The following CFAP46 variants were observed in gnomAD, a reference collection of about 807,000 sequenced individuals.
CFAP46 encodes the protein cilia and flagella associated protein 46.
A neutral mutation model predicts 325.7 loss-of-function variants in CFAP46; 245 were observed. That is an observed-to-expected ratio of 0.75 (90% CI 0.68 to 0.84). CFAP46 has a LOEUF of 0.84. Ranked by LOEUF, CFAP46 falls within the 40% of genes least tolerant of loss-of-function variation. CFAP46 has a pLI of 0.00. For missense variants in CFAP46, 3,346 were observed against 3,543.0 expected (o/e 0.94, Z 1.41); for synonymous variants, 1,523 against 1,495.9 (o/e 1.02, Z -0.42).
chr10:132,871,964 T>C (rs1202077982), intron 32 of CFAP46, among the ~76,000 whole-genome samples: 2 of 152,228 alleles, frequency 1.3e-5, no homozygotes, highest in African/African-American at 2.4e-5. Context: ...TGTTGTCTTA[T>C]TTTAAGAAAT....
intron 50 of CFAP46, among the ~76,000 whole-genome samples, chr10:132,823,338 G>A (rs1847933312): frequency 8.5e-6 from 1 of 117,510 alleles, no homozygotes; most frequent in South Asian, 3.7e-4. Flanking sequence ...GTGTGCTGAT[G>A]TGTGCTGTGT....
chr10:132,898,639 C>T (rs1849348904), intron 24 of CFAP46: 1 of 407,220 alleles, frequency 2.5e-6, no homozygotes, highest in Non-Finnish European at 4.7e-6. Flanking sequence ...CCTGTCCTCC[C>T]TGCCTAGAAT....
At chr10:132,902,012 T>C (rs1246575579) in intron 22 of CFAP46, among the ~76,000 whole-genome samples, 2 of 152,234 alleles carry the variant, frequency 1.3e-5, no homozygotes, top group African/African-American at 4.8e-5. Flanking sequence ...CTTTCCAGGA[T>C]CTGCTCCCGG....
At chr10:132,867,287 C>T (rs1564784660) in intron 34 of CFAP46, 88 bp downstream of exon 34, 3 of 1,479,714 alleles carry the variant, frequency 2.0e-6, no homozygotes, top group East Asian at 2.5e-5. Context: ...ACAGGCCGGC[C>T]GCCTGGCTCA....
chr10:132,821,190 G>T (rs1171718179), intron 50 of CFAP46, among the ~76,000 whole-genome samples: 3 of 141,196 alleles, frequency 2.1e-5, no homozygotes, highest in African/African-American at 8.0e-5. Flanking sequence ...TGCTGTGTGT[G>T]CTGTGTGAGT....
chr10:132,921,106 C>T (rs1367619413), intron 13 of CFAP46, among the ~76,000 whole-genome samples: 1 of 152,244 alleles, frequency 6.6e-6, no homozygotes, highest in African/African-American at 2.4e-5. Flanking sequence ...TGCCCATCTC[C>T]TCGTCTCAGA....
chr10:132,812,759 G>A (rs777641330), intron 55 of CFAP46, 26 bp downstream of exon 55: 2 of 1,549,862 alleles, frequency 1.3e-6, no homozygotes, highest in Non-Finnish European at 1.8e-6. Flanking sequence ...CCGCGGGGGA[G>A]GGGGTGCTGA....
Position 132,850,274 on chromosome 10 carries a change from G to T in CFAP46, c.5922C>A (p.His1974Gln). ...GGCCCGCCTCCCAGTAGCAGGTAGG[G>T]TGCACAGGGTCAGCTTGCATGGCCA... ...HLLAMQADPV[H>Q]PTCYWEAGPS... The change falls in exon 41 of 58, where the codon CAC (histidine) becomes CAA (glutamine). Residue 1974 changes from histidine (H) to glutamine (Q), a missense_variant. Coordinates refer to ENST00000368586, the MANE Select transcript of CFAP46 (RefSeq NM_001200049.3). 6.4e-7 allele frequency: 1 copy of T among 1,550,826 alleles called. No homozygotes were observed. The highest frequency in any genetic ancestry group is 1.2e-5 in the South Asian group (1 of 84,058).
At position 132,821,361 on chromosome 10, in the gene CFAP46, T is replaced by A. The variant is rs1476872369; in HGVS notation, c.7118-6447A>T. 2.1e-5 allele frequency among the ~76,000 whole-genome samples: 3 copies of A among 140,458 alleles called. No individual in the cohort carries two copies. The East Asian group carries it at 6.7e-4, about 31-fold the overall frequency. 92.1% of individuals were successfully genotyped at this position (140,458 alleles called of 152,430 possible). A position where few individuals can be genotyped will look rare whatever the true frequency, so the allele number is the denominator to read the frequency against. ...GTGCTGTGTGCTGATGTGTGCTGTG[T>A]GTGCTGTGTGCTGTGTGTGCACTGA... On this transcript the variant is annotated intron_variant, in intron 50 of 57. Coordinates refer to ENST00000368586, the MANE Select transcript of CFAP46 (RefSeq NM_001200049.3).
In CFAP46 at chr10:132,834,690, T is replaced by C. The variant is rs1848208311; in HGVS notation, c.6830A>G (p.Gln2277Arg). 1 of 1,612,922 alleles carries C rather than the reference T, an allele frequency of 6.2e-7. No homozygotes were observed. The highest frequency in any genetic ancestry group is 8.5e-7 in the Non-Finnish European group (1 of 1,179,956). The stretch of plus-strand genomic sequence containing the variant: ...GAGGCTGAGCAGGGGGAATAGCGGC[T>C]GCAGAAGCTCCTCCAGGGGCCCCAG... Reference protein sequence around the residue: ...SVLGPLEELLQPLFPLLSLSK... With the variant: ...SVLGPLEELLRPLFPLLSLSK... The change falls in exon 48 of 58, where the codon CAG becomes CGG. Residue 2277 changes from glutamine (Q) to arginine (R), a missense_variant. Physicochemically the swap from Gln to Arg is conservative, Grantham distance 43 (BLOSUM62 1). Transcript: ENST00000368586.
rs1032792540 is a variant in CFAP46, at chr10:132,847,478, C to T, written c.5953-157G>A. On this transcript the variant is annotated intron_variant, in intron 41 of 57. Transcript: ENST00000368586. This position sits in a 1 kb window ranked among gnomAD's most constrained non-coding sequence, Gnocchi z 5.2. ...CAGCATGGCCTCTCACTATCCCAAACCCTCCATCCCTGAGTTGATGCAGGG... is the reference window on the plus strand; with the variant it reads ...CAGCATGGCCTCTCACTATCCCAAATCCTCCATCCCTGAGTTGATGCAGGG... Among the ~76,000 whole-genome samples the T allele has an allele frequency of 6.6e-6, 1 of 152,104 alleles. No homozygotes were observed. Among genetic ancestry groups the T allele is most frequent in the African/African-American group, 2.4e-5 (1 of 41,416 alleles).
intron 44 of CFAP46, among the ~76,000 whole-genome samples, chr10:132,845,226 T>G (rs1848414406): frequency 6.6e-6 from 1 of 152,164 alleles, no homozygotes; most frequent in African/African-American, 2.4e-5. Context: ...TGCAGGCCCC[T>G]TGCCTCCACC....
chr10:132,824,698 G>A (rs1443146457), intron 50 of CFAP46, among the ~76,000 whole-genome samples: 13 of 49,728 alleles, frequency 2.6e-4, no homozygotes, highest in African/African-American at 8.1e-4. Context: ...CTGTGTGTGC[G>A]CTGATGTGTG....
chr10:132,894,314 G>A (rs1476248992), intron 24 of CFAP46, among the ~76,000 whole-genome samples: 1 of 152,164 alleles, frequency 6.6e-6, no homozygotes. Flanking sequence ...AAATCAATGT[G>A]ATGAAAAGCA....
intron 35 of CFAP46, among the ~76,000 whole-genome samples, chr10:132,861,806 T>G (rs1848724808): frequency 6.6e-6 from 1 of 152,186 alleles, no homozygotes; most frequent in South Asian, 2.1e-4. Context: ...TGTGCTCGTT[T>G]GGACCTGGGC....
At chr10:132,895,046 C>T (rs186805786) in intron 24 of CFAP46, among the ~76,000 whole-genome samples, 3 of 152,034 alleles carry the variant, frequency 2.0e-5, no homozygotes, top group African/African-American at 7.2e-5. Context: ...AATACAGGTG[C>T]AAAAATCCTC....
In CFAP46 at chr10:132,879,571, A is replaced by G. The variant is rs1284329608; in HGVS notation, c.3860T>C (p.Val1287Ala). 7.8e-6 allele frequency: 12 copies of G among 1,546,992 alleles called. No individual in the cohort carries two copies. The highest frequency in any genetic ancestry group is 1.2e-5 in the South Asian group (1 of 83,854). Residue 1287 changes from valine to alanine, a missense_variant, in exon 29 of 58, where the codon GTG becomes GCG. Transcript: ENST00000368586. The part of the protein sequence containing the change: ...RSPVSEAEEA[V>A]SLEQLRSVRQ... The stretch of plus-strand genomic sequence containing the variant: ...CACGCTACGCAGCTGCTCCAAGGAC[A>G]CCGCCTCCTCGGCCTCGGACACGGG...
chr10:132,900,283 T>C (rs1849375754), intron 22 of CFAP46, among the ~76,000 whole-genome samples: 1 of 152,174 alleles, frequency 6.6e-6, no homozygotes, highest in Admixed American at 6.5e-5. Context: ...ACCCAGAGCT[T>C]GGCCAGGTGC....
chr10:132,909,930 T>C lies in CFAP46; in HGVS notation c.2638A>G (p.Thr880Ala). 1 of 1,483,546 alleles carries C rather than the reference T, an allele frequency of 6.7e-7. No individual in the cohort carries two copies. The highest frequency in any genetic ancestry group is 2.6e-5 in the East Asian group (1 of 38,350). The allele number at this position is 1,483,546 out of a possible 1,614,324, so 91.9% of individuals were successfully genotyped here. A position where few individuals can be genotyped will look rare whatever the true frequency, so the allele number is the denominator to read the frequency against. The change falls in exon 20 of 58, where the codon ACC becomes GCC. Residue 880 changes from threonine (T) to alanine (A), a missense_variant. Physicochemically the swap from Thr to Ala is moderately conservative, Grantham distance 58. Coordinates refer to ENST00000368586, the MANE Select transcript of CFAP46 (RefSeq NM_001200049.3). ...GCAGGGGCGCCCACCTGCTCCTCGG[T>C]GCCCAGCCGTGGCCCAATCTGCTGC... ...LQQQIGPRLG[T>A]EEQGTNEDVS...
Sources: allele counts gnomAD v4.1 joint callset (sites outside exome capture counted in the v4.1 genomes callset), GRCh38; gene constraint gnomAD v4.1.1; non-coding constraint Gnocchi (gnomAD v3.1); transcripts MANE v1.5; gene names NCBI Gene and HGNC (gene_info 2026-07-23, HGNC 2026-07-21).